The following RETREG1 variants were observed in gnomAD, a reference collection of about 807,000 sequenced individuals.
RETREG1 encodes family with sequence similarity 134 member B.
In RETREG1, 44 loss-of-function variants were observed where a neutral mutation model predicts 54.8. The observed-to-expected ratio is 0.80, with a 90% confidence interval of 0.63 to 1.03. The LOEUF is 1.03. RETREG1 is among the 50% of genes least tolerant of loss of function. The pLI is 0.00. For synonymous variants in RETREG1, 217 were observed against 238.5 expected (o/e 0.91, Z 0.83); for missense variants, 554 against 605.1 (o/e 0.92, Z 0.89).
Position 16,616,735 on chromosome 5 carries a change from C to T in RETREG1, c.237G>A (p.Leu79=), listed in dbSNP as rs1743523732. ...TWLLGEPVLW[L]GCRADELLSW... Reference sequence around the variant, plus strand: ...TCAGCAGCTCGTCGGCGCGGCAGCCCAGCCACAGCACCGGCTCCCCGAGCA... The same window carrying T: ...TCAGCAGCTCGTCGGCGCGGCAGCCTAGCCACAGCACCGGCTCCCCGAGCA... Residue 79 remains leucine, a synonymous_variant, in exon 1 of 9, where the codon CTG becomes CTA. Transcript: ENST00000306320. 9 of 1,580,984 alleles carry T rather than the reference C, an allele frequency of 5.7e-6. No individual in the cohort carries two copies. Among genetic ancestry groups the T allele is most frequent in the Non-Finnish European group, 7.7e-6 (9 of 1,171,194 alleles).
At chr5:16,479,654 G>A (rs1348439402) in intron 5 of RETREG1, among the ~76,000 whole-genome samples, 1 of 152,038 alleles carries the variant, frequency 6.6e-6, no homozygotes, top group Non-Finnish European at 1.5e-5. Context: ...TTTGAGCTCT[G>A]ACCATTTGCC....
intron 3 of RETREG1, among the ~76,000 whole-genome samples, chr5:16,551,492 C>G (rs1157827277): frequency 6.6e-6 from 1 of 152,064 alleles, no homozygotes; most frequent in African/African-American, 2.4e-5. Context: ...TTCATCAAAC[C>G]TTCTTATTTC....
At chr5:16,565,316 C>A (rs1305091677) in intron 3 of RETREG1, among the ~76,000 whole-genome samples, 3 of 152,190 alleles carry the variant, frequency 2.0e-5, no homozygotes, top group African/African-American at 7.2e-5. Flanking sequence ...AGCCTCTCAC[C>A]CTATCTCTGT....
Position 16,503,765 on chromosome 5 carries a change from G to A in RETREG1, c.459-20293C>T, listed in dbSNP as rs1739828259. Among the ~76,000 whole-genome samples the A allele has an allele frequency of 2.6e-5, 4 of 151,838 alleles. No individual in the cohort carries two copies. In the South Asian group the frequency reaches 8.3e-4, roughly 32 times the overall value. Reference sequence around the variant, plus strand: ...TATACCTTAGGAATATATAAATGAAGGAGCCACAGCACAGTTAGAATTAAA... The same window carrying A: ...TATACCTTAGGAATATATAAATGAAAGAGCCACAGCACAGTTAGAATTAAA... On this transcript the variant is annotated intron_variant, in intron 3 of 8. Transcript: ENST00000306320.
rs557678262 is a variant in RETREG1, at chr5:16,585,238, G to A, written c.321-13136C>T. Reference sequence around the variant, plus strand: ...CAGGGAATGTGCCCAGGTCAGCAAGGCATGGTGGACAAACAGATAAGACAG... The same window carrying A: ...CAGGGAATGTGCCCAGGTCAGCAAGACATGGTGGACAAACAGATAAGACAG... On this transcript the variant is annotated intron_variant, in intron 1 of 8. Coordinates refer to ENST00000306320, the MANE Select transcript of RETREG1 (RefSeq NM_001034850.3). The surrounding 1 kb of genome is among the most constrained non-coding windows in gnomAD (Gnocchi z 4.5). 6.6e-6 allele frequency among the ~76,000 whole-genome samples: 1 copy of A among 152,140 alleles called. No individual in the cohort carries two copies. The highest frequency in any genetic ancestry group is 1.5e-5 in the Non-Finnish European group (1 of 68,024).
In RETREG1 at chr5:16,616,736, A is replaced by G; in HGVS notation, c.236T>C (p.Leu79Pro). Residue 79 changes from leucine to proline, a missense_variant, in exon 1 of 9, where the codon CTG becomes CCG. Physicochemically the swap from Leu to Pro is moderately conservative, Grantham distance 98. Transcript: ENST00000306320. ...CAGCAGCTCGTCGGCGCGGCAGCCC[A>G]GCCACAGCACCGGCTCCCCGAGCAG... ...TWLLGEPVLW[L>P]GCRADELLSW... is the part of the protein sequence containing the mutation. 2 of 1,581,234 alleles carry G rather than the reference A, an allele frequency of 1.3e-6. No individual in the cohort carries two copies.
rs369893519 is a variant in RETREG1 at position 16,567,886 on chromosome 5, G to A, written c.428-2093C>T. On this transcript the variant is annotated intron_variant, in intron 2 of 8. Coordinates refer to ENST00000306320, the MANE Select transcript of RETREG1 (RefSeq NM_001034850.3). Reference sequence around the variant, plus strand: ...TGAGGTAGGAGGATCACTTGACCCAGGAGCTCGAGGCTGCAGTGAGCTATG... The same window carrying A: ...TGAGGTAGGAGGATCACTTGACCCAAGAGCTCGAGGCTGCAGTGAGCTATG... Among the ~76,000 whole-genome samples, 170 of 152,236 alleles carry A rather than the reference G, an allele frequency of 1.1e-3. 1 individual carries two copies. The highest frequency in any genetic ancestry group is 3.8e-3 in the African/African-American group (159 of 41,546).
chr5:16,475,558 A>G (rs1341052693), intron 8 of RETREG1, among the ~76,000 whole-genome samples: 1 of 152,202 alleles, frequency 6.6e-6, no homozygotes, highest in Non-Finnish European at 1.5e-5. Flanking sequence ...AGCATTTACT[A>G]TAAAAATTCC....
intron 1 of RETREG1, among the ~76,000 whole-genome samples, chr5:16,612,438 G>C (rs1032045210): frequency 7.2e-5 from 11 of 152,220 alleles, no homozygotes; most frequent in African/African-American, 2.7e-4. Flanking sequence ...TGCGTAGACA[G>C]GGACAGGCGT....
At chr5:16,477,160 G>A (rs1039943280) in intron 8 of RETREG1, among the ~76,000 whole-genome samples, 2 of 151,970 alleles carry the variant, frequency 1.3e-5, no homozygotes, top group Non-Finnish European at 2.9e-5. Flanking sequence ...AGGCAAATTT[G>A]GACATTGACT....
Position 16,600,442 on chromosome 5 carries a change from G to A in RETREG1, c.320+16210C>T, listed in dbSNP as rs185118428. On this transcript the variant is annotated intron_variant, in intron 1 of 8. Transcript: ENST00000306320. ...TTAAAGTGGAAGGGCTTCAGACCCC[G>A]GGGGTAACAGGACAGAAGAGAGCAG... Among the ~76,000 whole-genome samples the A allele has an allele frequency of 9.2e-5, 14 of 152,294 alleles. No homozygotes were observed. In the East Asian group the frequency reaches 1.5e-3, roughly 17 times the overall value.
chr5:16,554,871 C>T (rs1741662557), intron 3 of RETREG1, among the ~76,000 whole-genome samples: 1 of 152,306 alleles, frequency 6.6e-6, no homozygotes, highest in Middle Eastern at 3.4e-3. Context: ...AAGCCCGGGC[C>T]TTGGGGCCTT....
intron 3 of RETREG1, among the ~76,000 whole-genome samples, chr5:16,506,193 A>AT (rs1031943284): frequency 7.2e-5 from 11 of 152,140 alleles, no homozygotes; most frequent in Admixed American, 2.6e-4. Context: ...GCTTCCACTG[A>AT]TTTTTTTAAA....
intron 3 of RETREG1, among the ~76,000 whole-genome samples, chr5:16,517,244 A>G (rs1740389636): frequency 6.6e-6 from 1 of 152,126 alleles, no homozygotes; most frequent in South Asian, 2.1e-4. Flanking sequence ...CAAAAATGCA[A>G]ATCCATTCCA....
At chr5:16,505,571 T>C (rs1357524927) in intron 3 of RETREG1, among the ~76,000 whole-genome samples, 2 of 152,148 alleles carry the variant, frequency 1.3e-5, no homozygotes, top group Non-Finnish European at 2.9e-5. Flanking sequence ...CCGGAAGTTA[T>C]CTGGAAAGCG....
At chr5:16,478,468 T>G (rs1561077997) in intron 6 of RETREG1, among the ~76,000 whole-genome samples, 1 of 152,114 alleles carries the variant, frequency 6.6e-6, no homozygotes, top group Admixed American at 6.6e-5. Context: ...TACATTCTAG[T>G]TTGAGAACCT....
chr5:16,509,600 C>T (rs1740101566), intron 3 of RETREG1, among the ~76,000 whole-genome samples: 1 of 151,884 alleles, frequency 6.6e-6, no homozygotes, highest in African/African-American at 2.4e-5. Context: ...AGGAATATAT[C>T]CTGAAAGCTT....
At chr5:16,590,079 G>C (rs1301934112) in intron 1 of RETREG1, among the ~76,000 whole-genome samples, 1 of 152,224 alleles carries the variant, frequency 6.6e-6, no homozygotes, top group Non-Finnish European at 1.5e-5. Flanking sequence ...AAGTTCCCTA[G>C]ATCCTATTTC....
intron 3 of RETREG1, among the ~76,000 whole-genome samples, chr5:16,513,861 A>G (rs185233671): frequency 1.2e-3 from 182 of 152,282 alleles, no homozygotes; most frequent in African/African-American, 4.1e-3. Flanking sequence ...ACCTCTGTCC[A>G]CTTCTTCCTT....
Sources: gnomAD v4.1 joint callset for allele counts (sites outside exome capture counted in the v4.1 genomes callset) on GRCh38, gnomAD v4.1.1 for gene constraint, Gnocchi (gnomAD v3.1) non-coding constraint, MANE v1.5 for transcripts, NCBI Gene and HGNC (gene_info 2026-07-23, HGNC 2026-07-21) for gene names.